USP6NL: variants seen among roughly 807,000 people sequenced by gnomAD.
The protein encoded by USP6NL is USP6 N-terminal-like protein.
A neutral mutation model predicts 61.9 loss-of-function variants in USP6NL; 26 were observed. That is an observed-to-expected ratio of 0.42 (90% CI 0.31 to 0.58). The LOEUF (loss-of-function observed/expected upper bound fraction) is 0.58, where lower values mean the gene tolerates loss of function less well. Ranked by LOEUF, USP6NL falls within the 20% of genes least tolerant of loss-of-function variation. The pLI is 0.16. For missense variants in USP6NL, 1,114 were observed against 1,034.3 expected (o/e 1.08, Z -1.06); for synonymous variants, 432 against 390.1 (o/e 1.11, Z -1.27).
Position 11,490,080 on chromosome 10 carries a change from T to C in USP6NL, c.543+752A>G, listed in dbSNP as rs1252953368. Among the ~76,000 whole-genome samples the C allele has an allele frequency of 6.6e-6, 1 of 152,114 alleles. No homozygotes were observed. The highest frequency in any genetic ancestry group is 1.5e-5 in the Non-Finnish European group (1 of 68,006). The stretch of plus-strand genomic sequence containing the variant: ...ACGCTTCCCACCTTCCAGCTCCAAT[T>C]CCGGTGAGGCCCAACTAGTGCTTCC... On this transcript the variant is annotated intron_variant, in intron 9 of 14. Coordinates refer to ENST00000609104, the MANE Select transcript of USP6NL (RefSeq NM_014688.5). The surrounding 1 kb of genome is among the most constrained non-coding windows in gnomAD (Gnocchi z 4.5).
At chr10:11,505,607 C>A (rs1834396443) in intron 6 of USP6NL, among the ~76,000 whole-genome samples, 1 of 152,024 alleles carries the variant, frequency 6.6e-6, no homozygotes, top group Admixed American at 6.6e-5. Context: ...AAATTTGTTT[C>A]ATAGATATGA....
In USP6NL at chr10:11,569,157, T is replaced by C. The variant is rs149080263; in HGVS notation, c.4+28474A>G. 1.8e-4 allele frequency among the ~76,000 whole-genome samples: 27 copies of C among 152,336 alleles called. 1 individual carries two copies. Among genetic ancestry groups the C allele is most frequent in the African/African-American group, 5.8e-4 (24 of 41,582 alleles). Reference sequence around the variant, plus strand: ...ATAACTTTAGTTTTGTAAGCTTAAATTGTCAACATATATAGCAAAATGAGT... The same window carrying C: ...ATAACTTTAGTTTTGTAAGCTTAAACTGTCAACATATATAGCAAAATGAGT... On this transcript the variant is annotated intron_variant, in intron 2 of 14. Coordinates refer to ENST00000609104, the MANE Select transcript of USP6NL (RefSeq NM_014688.5).
chr10:11,550,618 T>C (rs140674123), intron 2 of USP6NL, among the ~76,000 whole-genome samples: 232 of 151,956 alleles, frequency 1.5e-3, no homozygotes, highest in African/African-American at 4.9e-3. Flanking sequence ...TAGCCGGGCG[T>C]GGTGGCACAC....
intron 2 of USP6NL, among the ~76,000 whole-genome samples, chr10:11,588,905 A>AG (rs970113635): frequency 1.1e-4 from 17 of 152,332 alleles, no homozygotes; most frequent in African/African-American, 3.8e-4. Context: ...GTAGAAGTAG[A>AG]GTTTTTCTCC....
At chr10:11,549,524 C>T (rs1836410399) in intron 2 of USP6NL, among the ~76,000 whole-genome samples, 1 of 152,136 alleles carries the variant, frequency 6.6e-6, no homozygotes, top group African/African-American at 2.4e-5. Context: ...TCCCACCTTT[C>T]ACCCAAACTC....
At chr10:11,610,834 T>C (rs538271373) in intron 1 of USP6NL, among the ~76,000 whole-genome samples, 12 of 152,116 alleles carry the variant, frequency 7.9e-5, no homozygotes, top group Non-Finnish European at 1.8e-4. Context: ...CATGGATTCC[T>C]ACGCGTCCCG....
Position 11,520,198 on chromosome 10 carries a change from GGGAC to G in USP6NL, c.156-1628_156-1625del, listed in dbSNP as rs1184924568. ...ATCATGCAGGAGTATATGAAGAAAA[GGGAC>G]GGAGGCTGAGAAAACGATTCTCAAG... On this transcript the variant is annotated intron_variant, in intron 4 of 14. Transcript: ENST00000609104. The surrounding 1 kb of genome is among the most constrained non-coding windows in gnomAD (Gnocchi z 5.2). 6.6e-6 allele frequency among the ~76,000 whole-genome samples: 1 copy of G among 152,202 alleles called. No individual in the cohort carries two copies. The highest frequency in any genetic ancestry group is 1.5e-5 in the Non-Finnish European group (1 of 68,042).
rs532063816 is a variant in USP6NL at position 11,597,994 on chromosome 10, A to C, written c.-83-277T>G. On this transcript the variant is annotated intron_variant, in intron 1 of 14. Transcript: ENST00000609104. This position sits in a 1 kb window ranked among gnomAD's most constrained non-coding sequence, Gnocchi z 4.6. ...TTACTAACAGGTGTCCTTCGTCTTC[A>C]ACACTAAAAACATTTCTTCCCCATT... Among the ~76,000 whole-genome samples the C allele has an allele frequency of 1.1e-4, 17 of 152,316 alleles. No individual in the cohort carries two copies. Among genetic ancestry groups the C allele is most frequent in the African/African-American group, 3.1e-4 (13 of 41,576 alleles).
chr10:11,544,168 G>A lies in USP6NL; in HGVS notation c.5-16601C>T, dbSNP rs544032445. ...AAATGTTCCACCCTCAATTCACCTG[G>A]CCAAAACCTTAAACACAATGTTCAA... On this transcript the variant is annotated intron_variant, in intron 2 of 14. Transcript: ENST00000609104. Among the ~76,000 whole-genome samples the A allele has an allele frequency of 4.6e-5, 7 of 151,404 alleles. No homozygotes were observed. In the South Asian group the frequency reaches 1.5e-3, roughly 32 times the overall value.
chr10:11,477,551 T>G (rs1833023029), intron 14 of USP6NL, among the ~76,000 whole-genome samples: 1 of 152,206 alleles, frequency 6.6e-6, no homozygotes, highest in African/African-American at 2.4e-5. Flanking sequence ...TAAGGAATAA[T>G]TTTAATACTA....
rs564346586 is a variant in USP6NL at position 11,489,227 on chromosome 10, G to C, written c.544-5C>G. The stretch of plus-strand genomic sequence containing the variant: ...CCCCTGACAATACCCGACTTCCTGG[G>C]GAGCAAAGGGGAACACAGAAGCTGG... On this transcript the variant is annotated splice_polypyrimidine_tract_variant and splice_region_variant and intron_variant, in intron 9 of 14. Transcript: ENST00000609104. This position sits in a 1 kb window ranked among gnomAD's most constrained non-coding sequence, Gnocchi z 5.7. 169 of 1,613,508 alleles carry C rather than the reference G, an allele frequency of 1.0e-4. No homozygotes were observed. In the African/African-American group the frequency reaches 2.2e-3, roughly 21 times the overall value.
At chr10:11,601,313 G>A (rs1838523037) in intron 1 of USP6NL, among the ~76,000 whole-genome samples, 1 of 151,980 alleles carries the variant, frequency 6.6e-6, no homozygotes, top group South Asian at 2.1e-4. Context: ...TTAACAATAC[G>A]TTGTTAAGAG....
At chr10:11,573,919 C>T in intron 2 of USP6NL, 1 of 357,826 alleles carries the variant, frequency 2.8e-6, no homozygotes, top group Admixed American at 4.6e-5. Context: ...TGTGAAAGCC[C>T]CATCCTCAAA....
In USP6NL at chr10:11,470,255, C is replaced by T. The variant is rs1306817620; in HGVS notation, c.1079-6406G>A. On this transcript the variant is annotated intron_variant, in intron 14 of 14. Transcript: ENST00000609104. This position sits in a 1 kb window ranked among gnomAD's most constrained non-coding sequence, Gnocchi z 5.4. Reference sequence around the variant, plus strand: ...GGAGAAGGTGGAGGATGGAGGCAGCCGCAGGGAACCTCATGGAGGGCCCGC... The same window carrying T: ...GGAGAAGGTGGAGGATGGAGGCAGCTGCAGGGAACCTCATGGAGGGCCCGC... Among the ~76,000 whole-genome samples, 1 of 152,100 alleles carries T rather than the reference C, an allele frequency of 6.6e-6. No homozygotes were observed. Among genetic ancestry groups the T allele is most frequent in the Non-Finnish European group, 1.5e-5 (1 of 68,000 alleles).
At chr10:11,509,724 A>G in intron 5 of USP6NL, 49 bp from the exon 6 acceptor site, 3 of 1,445,142 alleles carry the variant, frequency 2.1e-6, no homozygotes, top group Non-Finnish European at 2.8e-6. Flanking sequence ...TTCTTTACTT[A>G]TGAGTTATAA....
chr10:11,570,607 T>C (rs949807136), intron 2 of USP6NL, among the ~76,000 whole-genome samples: 1 of 152,190 alleles, frequency 6.6e-6, no homozygotes, highest in Non-Finnish European at 1.5e-5. Flanking sequence ...TTTAACAAGA[T>C]AGAGAAACAT....
At position 11,491,236 on chromosome 10, in the gene USP6NL, A is replaced by T. The variant is rs1313273802; in HGVS notation, c.495-356T>A. Reference sequence around the variant, plus strand: ...TGAAGGCTCAGTGACATTGCCAGCAAGGTACAATACCCTGCAGGGAAAGGG... The same window carrying T: ...TGAAGGCTCAGTGACATTGCCAGCATGGTACAATACCCTGCAGGGAAAGGG... On this transcript the variant is annotated intron_variant, in intron 8 of 14. Transcript: ENST00000609104. This position sits in a 1 kb window ranked among gnomAD's most constrained non-coding sequence, Gnocchi z 4.7. Among the ~76,000 whole-genome samples the T allele has an allele frequency of 6.6e-6, 1 of 152,194 alleles. No individual in the cohort carries two copies. Among genetic ancestry groups the T allele is most frequent in the East Asian group, 1.9e-4 (1 of 5,198 alleles).
Position 11,562,625 on chromosome 10 carries a change from T to C in USP6NL, c.4+35006A>G. On this transcript the variant is annotated intron_variant, in intron 2 of 14. Coordinates refer to ENST00000609104, the MANE Select transcript of USP6NL (RefSeq NM_014688.5). This position sits in a 1 kb window ranked among gnomAD's most constrained non-coding sequence, Gnocchi z 4.8. ...TTGCAACTAAATGTAATTCTAACAC[T>C]GAACAGTCCTCTAATTATTTGTGAC... The C allele has an allele frequency of 2.0e-6, 2 of 985,472 alleles. No individual in the cohort carries two copies. Among genetic ancestry groups the C allele is most frequent in the Non-Finnish European group, 2.4e-6 (2 of 829,940 alleles). The allele number at this position is 985,472 out of a possible 1,614,324, so 61.0% of individuals were successfully genotyped here. A position where few individuals can be genotyped will look rare whatever the true frequency, so the allele number is the denominator to read the frequency against.
intron 2 of USP6NL, among the ~76,000 whole-genome samples, chr10:11,551,091 T>C (rs1048421401): frequency 6.6e-6 from 1 of 152,150 alleles, no homozygotes; most frequent in African/African-American, 2.4e-5. Context: ...AAGTTAGATA[T>C]AAAATTGTAT....
Sources: gnomAD v4.1 joint callset for allele counts (sites outside exome capture counted in the v4.1 genomes callset) on GRCh38, gnomAD v4.1.1 for gene constraint, Gnocchi (gnomAD v3.1) non-coding constraint, MANE v1.5 for transcripts, NCBI Gene and HGNC (gene_info 2026-07-23, HGNC 2026-07-21) for gene names.